Variants in TRIM37 observed in about 807,000 individuals in gnomAD.
TRIM37 encodes tripartite motif containing 37, also known as E3 ubiquitin-protein ligase TRIM37.
A neutral mutation model predicts 129.8 loss-of-function variants in TRIM37; 80 were observed. That is an observed-to-expected ratio of 0.62 (90% CI 0.51 to 0.74). The LOEUF (loss-of-function observed/expected upper bound fraction) is 0.74. Ranked by LOEUF, TRIM37 falls within the 30% of genes least tolerant of loss-of-function variation. The pLI is 0.00. For missense variants in TRIM37, 1,054 were observed against 1,176.5 expected (o/e 0.90, Z 1.52); for synonymous variants, 389 against 387.1 (o/e 1.00, Z -0.06).
chr17:58,990,990 T>C (rs561064776), intron 24 of TRIM37, among the ~76,000 whole-genome samples: 23 of 149,378 alleles, frequency 1.5e-4, no homozygotes, highest in African/African-American at 4.9e-4. Context: ...CTGGCTAACA[T>C]GGTGAAACCC....
intron 5 of TRIM37, among the ~76,000 whole-genome samples, chr17:59,081,937 C>CAAAAAAAAAAAAAAAAAAAAAAA (rs1157296161): frequency 2.0e-5 from 1 of 48,920 alleles, no homozygotes; most frequent in African/African-American, 8.5e-5. Flanking sequence ...TAATAAAAAC[C>CAAAAAAAAAAAAAAAAAAAAAAA]AAAAAAAAAA....
At chr17:59,055,206 C>T (rs747270165) in intron 13 of TRIM37, among the ~76,000 whole-genome samples, 2 of 151,468 alleles carry the variant, frequency 1.3e-5, no homozygotes, top group Admixed American at 1.3e-4. Flanking sequence ...CATGGTGGCG[C>T]GTGCCTGCAA....
At chr17:59,026,639 G>A (rs1292732785) in intron 19 of TRIM37, among the ~76,000 whole-genome samples, 1 of 152,050 alleles carries the variant, frequency 6.6e-6, no homozygotes, top group Non-Finnish European at 1.5e-5. Context: ...CACAAAAAAG[G>A]ACACCCCTGC....
chr17:59,039,512 A>G (rs1045959774), intron 17 of TRIM37, among the ~76,000 whole-genome samples: 4 of 151,970 alleles, frequency 2.6e-5, no homozygotes, highest in Non-Finnish European at 4.4e-5. Flanking sequence ...ACACCTGGCT[A>G]ATTTTTGTAT....
intron 4 of TRIM37, among the ~76,000 whole-genome samples, chr17:59,087,179 T>TAA (rs1336772184): frequency 6.6e-6 from 1 of 152,116 alleles, no homozygotes; most frequent in Non-Finnish European, 1.5e-5. Flanking sequence ...CACTGCAACT[T>TAA]ACGCCTCCTG....
chr17:59,023,588 G>A (rs956190996), intron 19 of TRIM37, among the ~76,000 whole-genome samples: 9 of 152,038 alleles, frequency 5.9e-5, no homozygotes, highest in Non-Finnish European at 1.3e-4. Context: ...CCAGGAGGCG[G>A]AGCTTGCAGT....
intron 3 of TRIM37, among the ~76,000 whole-genome samples, chr17:59,090,392 T>A (rs1054112532): frequency 6.6e-6 from 1 of 151,506 alleles, no homozygotes; most frequent in Non-Finnish European, 1.5e-5. Flanking sequence ...CACATACGCA[T>A]ATATATATAT....
intron 19 of TRIM37, among the ~76,000 whole-genome samples, chr17:59,027,668 C>T (rs2037391479): frequency 6.6e-6 from 1 of 152,196 alleles, no homozygotes; most frequent in African/African-American, 2.4e-5. Flanking sequence ...CAAGCAAAGT[C>T]ATCTTTGTAA....
At chr17:59,047,971 G>C (rs2039984663) in intron 15 of TRIM37, 152 bp from the exon 16 acceptor site, 19 of 849,322 alleles carry the variant, frequency 2.2e-5, no homozygotes, top group Non-Finnish European at 3.2e-5. Flanking sequence ...GCCCTGTAGA[G>C]AAAAATCACA....
At chr17:58,987,459 A>G (rs1361066098) in intron 24 of TRIM37, among the ~76,000 whole-genome samples, 3 of 152,214 alleles carry the variant, frequency 2.0e-5, no homozygotes, top group African/African-American at 7.2e-5. Flanking sequence ...GCAGGAATGG[A>G]AGGGAGACTC....
At chr17:59,006,792 G>A (rs1369177328) in intron 22 of TRIM37, among the ~76,000 whole-genome samples, 1 of 152,096 alleles carries the variant, frequency 6.6e-6, no homozygotes, top group Non-Finnish European at 1.5e-5. Flanking sequence ...GGGAGGCTGA[G>A]GCAGGAGAAT....
At chr17:59,067,175 C>G (rs2146655146) in intron 9 of TRIM37, among the ~76,000 whole-genome samples, 1 of 152,278 alleles carries the variant, frequency 6.6e-6, no homozygotes, top group East Asian at 1.9e-4. Context: ...CCATCTAATT[C>G]CACCACCACA....
chr17:58,976,203 C>T, the TRIM37 span, among the ~76,000 whole-genome samples: 1 of 152,102 alleles, frequency 6.6e-6, no homozygotes, highest in Non-Finnish European at 1.5e-5. Flanking sequence ...GCCAGAGCAG[C>T]ACAGGCTCAC....
chr17:59,031,224 A>T (rs527363452), intron 18 of TRIM37, among the ~76,000 whole-genome samples: 2 of 152,328 alleles, frequency 1.3e-5, no homozygotes, highest in East Asian at 3.9e-4. Context: ...GATGTATATA[A>T]TACTATTGTT....
At chr17:59,053,487 C>A (rs1221195895) in intron 13 of TRIM37, among the ~76,000 whole-genome samples, 1 of 151,994 alleles carries the variant, frequency 6.6e-6, no homozygotes, top group Non-Finnish European at 1.5e-5. Context: ...CTTGAGTTCC[C>A]TGTGGACAAA....
At chr17:59,054,704 G>A (rs938844230) in intron 13 of TRIM37, among the ~76,000 whole-genome samples, 6 of 151,948 alleles carry the variant, frequency 3.9e-5, no homozygotes, top group South Asian at 2.1e-4. Context: ...TTGCTATGTC[G>A]CCCAGGCTGG....
At chr17:59,020,857 C>T (rs1174557382) in intron 19 of TRIM37, among the ~76,000 whole-genome samples, 2 of 152,262 alleles carry the variant, frequency 1.3e-5, no homozygotes, top group Non-Finnish European at 2.9e-5. Context: ...GAAAAGGCAA[C>T]TCTCATACAC....
intron 16 of TRIM37, among the ~76,000 whole-genome samples, chr17:59,045,302 C>A (rs570739111): frequency 6.6e-6 from 1 of 151,612 alleles, no homozygotes; most frequent in South Asian, 2.1e-4. Flanking sequence ...GCACTCCAGC[C>A]TGGGGGACAG....
intron 20 of TRIM37, among the ~76,000 whole-genome samples, chr17:59,017,033 T>C (rs2036031277): frequency 6.6e-6 from 1 of 151,872 alleles, no homozygotes; most frequent in Non-Finnish European, 1.5e-5. Context: ...GGCGTAGTGG[T>C]GCACACCTGT....
Sources: gnomAD v4.1 joint callset for allele counts (sites outside exome capture counted in the v4.1 genomes callset) on GRCh38, gnomAD v4.1.1 for gene constraint, MANE v1.5 for transcripts, NCBI Gene and HGNC (gene_info 2026-07-23, HGNC 2026-07-21) for gene names.